Variants in CCM2 observed in about 807,000 individuals in gnomAD.
CCM2 encodes CCM2 scaffold protein.
A neutral mutation model predicts 44.9 loss-of-function variants in CCM2; 25 were observed. The observed-to-expected ratio is 0.56, with a 90% confidence interval of 0.41 to 0.78. CCM2 has a LOEUF of 0.78. CCM2 is among the 30% of genes least tolerant of loss of function. CCM2 has a pLI of 0.00. For synonymous variants in CCM2, 219 were observed against 241.1 expected (o/e 0.91, Z 0.85); for missense variants, 481 against 580.6 (o/e 0.83, Z 1.76).
chr7:45,033,498 C>T (rs1237904139), intron 1 of CCM2, among the ~76,000 whole-genome samples: 1 of 152,174 alleles, frequency 6.6e-6, no homozygotes, highest in African/African-American at 2.4e-5. Flanking sequence ...GAAGAGCCAA[C>T]AAATGGAGCC....
At chr7:45,002,184 T>C (rs1350253779) in intron 1 of CCM2, among the ~76,000 whole-genome samples, 1 of 152,260 alleles carries the variant, frequency 6.6e-6, no homozygotes, top group African/African-American at 2.4e-5. Context: ...TCTAAACTTA[T>C]ACACAAATTC....
At chr7:45,073,997 CCT>C in intron 8 of CCM2, 1 of 635,824 alleles carries the variant, frequency 1.6e-6, no homozygotes, top group South Asian at 2.0e-5. Context: ...CAACTTCCAC[CCT>C]GCCCTGCTGG....
At chr7:45,009,562 G>A (rs1278908579) in intron 1 of CCM2, among the ~76,000 whole-genome samples, 3 of 151,822 alleles carry the variant, frequency 2.0e-5, no homozygotes, top group Non-Finnish European at 2.9e-5. Context: ...GTGCCATCAC[G>A]CCTGGCTAAG....
chr7:45,051,783 G>A (rs772329242), intron 2 of CCM2, among the ~76,000 whole-genome samples: 1 of 151,974 alleles, frequency 6.6e-6, no homozygotes, highest in Non-Finnish European at 1.5e-5. Flanking sequence ...GGATGGTCTC[G>A]ATCTCCTGAC....
chr7:45,073,149 T>G, intron 7 of CCM2: 1 of 572,944 alleles, frequency 1.7e-6, no homozygotes, highest in Non-Finnish European at 3.1e-6. Context: ...ACTCGCGCTC[T>G]CCATTCCTGC....
chr7:45,026,851 C>A (rs1796711640), intron 1 of CCM2, among the ~76,000 whole-genome samples: 1 of 152,098 alleles, frequency 6.6e-6, no homozygotes, highest in Admixed American at 6.5e-5. Flanking sequence ...GATCCACCTG[C>A]CTCAGCCTTC....
At chr7:45,067,249 A>G (rs1033045763) in intron 4 of CCM2, among the ~76,000 whole-genome samples, 5 of 140,066 alleles carry the variant, frequency 3.6e-5, no homozygotes, top group African/African-American at 5.5e-5. Context: ...CTAGAGTGCA[A>G]TGGTGTGGTC....
chr7:45,072,517 A>C lies in CCM2; in HGVS notation c.746-209A>C, dbSNP rs73694272. ...AGGATTTGCATTTGCCAGGATCCCC[A>C]GGAGGGGTGTATGTGGGCTCAAGTC... On this transcript the variant is annotated intron_variant, in intron 6 of 9. Transcript: ENST00000258781. 3.5e-3 allele frequency: 2,265 copies of C among 649,184 alleles called. 38 individuals are homozygous for C. The African/African-American group carries it at 0.037, about 10-fold the overall frequency. The allele number at this position is 649,184 out of a possible 1,614,324, so 40.2% of individuals were successfully genotyped here.
rs926149802 is a variant in CCM2, at chr7:45,045,790, C to CA, written c.204+7371dup. ...TGGGTGACAGAGTGAGACTTTGCCT[C>CA]AAAAAAACAAAACAAAACAAAACAA... On this transcript the variant is annotated intron_variant, in intron 2 of 9. Transcript: ENST00000258781. Among the ~76,000 whole-genome samples, 7 of 151,708 alleles carry CA rather than the reference C, an allele frequency of 4.6e-5. No homozygotes were observed. The South Asian group carries it at 6.3e-4, about 14-fold the overall frequency.
chr7:45,072,106 G>A (rs1301548040), intron 6 of CCM2: 1 of 341,954 alleles, frequency 2.9e-6, no homozygotes, highest in East Asian at 7.8e-5. Flanking sequence ...CTCACTGTCT[G>A]TGCTGGTGTG....
At chr7:45,051,637 T>G (rs1162938628) in intron 2 of CCM2, among the ~76,000 whole-genome samples, 1 of 152,120 alleles carries the variant, frequency 6.6e-6, no homozygotes, top group Non-Finnish European at 1.5e-5. Context: ...CTCAGCTCAC[T>G]GCAAGCTCTG....
chr7:45,029,985 A>T (rs10271311), intron 1 of CCM2, among the ~76,000 whole-genome samples: 2 of 152,136 alleles, frequency 1.3e-5, no homozygotes, highest in East Asian at 3.8e-4. Flanking sequence ...CTGAGGTGGC[A>T]TATATTCCAT....
At chr7:45,031,207 A>AC (rs562458230) in intron 1 of CCM2, among the ~76,000 whole-genome samples, 1 of 149,326 alleles carries the variant, frequency 6.7e-6, no homozygotes, top group South Asian at 2.1e-4. Context: ...ACATGGTGAA[A>AC]CCCCATCTCT....
At chr7:45,030,339 A>G (rs756122615) in intron 1 of CCM2, among the ~76,000 whole-genome samples, 2 of 152,226 alleles carry the variant, frequency 1.3e-5, no homozygotes, top group Non-Finnish European at 2.9e-5. Context: ...TTTAAATTCT[A>G]TGTGTCCATC....
At chr7:45,016,912 C>T (rs979557954) in intron 1 of CCM2, among the ~76,000 whole-genome samples, 1 of 152,092 alleles carries the variant, frequency 6.6e-6, no homozygotes, top group Non-Finnish European at 1.5e-5. Flanking sequence ...GGATTACAGG[C>T]GTGAGCCACC....
intron 1 of CCM2, among the ~76,000 whole-genome samples, chr7:45,021,507 T>C (rs1796479450): frequency 6.6e-6 from 1 of 150,996 alleles, no homozygotes; most frequent in South Asian, 2.1e-4. Flanking sequence ...AGAGTTGCAG[T>C]GAGCTGAGAT....
chr7:45,071,751 C>A, intron 6 of CCM2: 1 of 456,674 alleles, frequency 2.2e-6, no homozygotes. Flanking sequence ...TCTTCACAGC[C>A]AGCCACGTGA....
At chr7:45,064,408 C>A in intron 3 of CCM2, 55 bp from the exon 4 acceptor site, 13 of 1,569,192 alleles carry the variant, frequency 8.3e-6, no homozygotes, top group Non-Finnish European at 1.1e-5. Context: ...GGAGAAGCGC[C>A]CCATGCCGGT....
At chr7:45,034,485 T>TTTA (rs953346879) in intron 1 of CCM2, among the ~76,000 whole-genome samples, 6 of 148,494 alleles carry the variant, frequency 4.0e-5, no homozygotes, top group Non-Finnish European at 8.9e-5. Context: ...AGTGCTGGGA[T>TTTA]TATAAGCATG....
Sources: allele counts gnomAD v4.1 joint callset (sites outside exome capture counted in the v4.1 genomes callset), GRCh38; gene constraint gnomAD v4.1.1; transcripts MANE v1.5; gene names NCBI Gene and HGNC (gene_info 2026-07-23, HGNC 2026-07-21).